The following FRMD4B variants were observed in gnomAD, a reference collection of about 807,000 sequenced individuals.
The protein encoded by FRMD4B is FERM domain-containing protein 4B.
FRMD4B carries 74 observed loss-of-function variants against 141.5 expected under a neutral mutation model. The ratio of observed to expected loss-of-function variants is 0.52; its 90% CI spans 0.43 to 0.63. The LOEUF is 0.63. FRMD4B is among the 30% of genes least tolerant of loss of function. FRMD4B has a pLI of 0.00. For synonymous variants in FRMD4B, 506 were observed against 467.9 expected, an observed-to-expected ratio of 1.08 and a Z score of -1.05; for missense variants, 1,366 against 1,253.4, an observed-to-expected ratio of 1.09 and a Z score of -1.36.
intron 11 of FRMD4B, among the ~76,000 whole-genome samples, chr3:69,214,901 A>G (rs1323748412): frequency 6.6e-6 from 1 of 150,380 alleles, no homozygotes; most frequent in Non-Finnish European, 1.5e-5. Flanking sequence ...TTTTTTTGAG[A>G]TGAAGTCTCA....
At chr3:69,323,798 A>T (rs2107295696) in intron 1 of FRMD4B, among the ~76,000 whole-genome samples, 1 of 151,912 alleles carries the variant, frequency 6.6e-6, no homozygotes, top group East Asian at 1.9e-4. Context: ...GCAGAGTAGG[A>T]TGTAAACCTA....
At chr3:69,222,519 C>T (rs2093206467) in intron 8 of FRMD4B, among the ~76,000 whole-genome samples, 1 of 149,266 alleles carries the variant, frequency 6.7e-6, no homozygotes, top group Non-Finnish European at 1.5e-5. Context: ...TACCTGTATT[C>T]CCAGCACTTT....
At chr3:69,259,856 A>G (rs2093514901) in intron 5 of FRMD4B, among the ~76,000 whole-genome samples, 1 of 152,174 alleles carries the variant, frequency 6.6e-6, no homozygotes, top group Non-Finnish European at 1.5e-5. Context: ...GAGTGGTGCA[A>G]TCACTACTTA....
chr3:69,378,211 A>G (rs1316959776), intron 1 of FRMD4B, among the ~76,000 whole-genome samples: 1 of 152,110 alleles, frequency 6.6e-6, no homozygotes, highest in Non-Finnish European at 1.5e-5. Context: ...CTGCTACCTA[A>G]GGAACCAAAT....
At chr3:69,255,236 T>C (rs2093485533) in intron 5 of FRMD4B, among the ~76,000 whole-genome samples, 1 of 152,178 alleles carries the variant, frequency 6.6e-6, no homozygotes. Context: ...TAACTTACTC[T>C]CAAGTGGGTC....
At chr3:69,404,339 T>C (rs1233421959) in intron 2 of FRMD4B, among the ~76,000 whole-genome samples, 2 of 152,228 alleles carry the variant, frequency 1.3e-5, no homozygotes, top group African/African-American at 4.8e-5. Context: ...GGCTTTCTGA[T>C]CCAGAGGATT....
chr3:69,267,068 C>A (rs958466887), intron 5 of FRMD4B, among the ~76,000 whole-genome samples: 13 of 152,090 alleles, frequency 8.5e-5, no homozygotes, highest in African/African-American at 2.9e-4. Context: ...GAATACAGAG[C>A]CCCAGGCTCA....
chr3:69,215,282 C>CTTTTTTTTTTTTTTTTTTTTTT (rs1559724064), intron 11 of FRMD4B, among the ~76,000 whole-genome samples: 1 of 37,492 alleles, frequency 2.7e-5, no homozygotes, highest in East Asian at 4.2e-4. Context: ...GATTGTGACC[C>CTTTTTTTTTTTTTTTTTTTTTT]TCTTTTTTTT....
At chr3:69,472,270 T>C in intron 1 of FRMD4B, 2 of 352,634 alleles carry the variant, frequency 5.7e-6, no homozygotes, top group Non-Finnish European at 1.1e-5. Flanking sequence ...CCTTGTTGGC[T>C]GTTGTTTATG....
At chr3:69,231,825 T>C (rs1215692964) in intron 7 of FRMD4B, among the ~76,000 whole-genome samples, 1 of 152,174 alleles carries the variant, frequency 6.6e-6, no homozygotes, top group Non-Finnish European at 1.5e-5. Context: ...TGGCATATTA[T>C]TATAGAAGGT....
intron 1 of FRMD4B, among the ~76,000 whole-genome samples, chr3:69,434,399 T>G (rs1705229098): frequency 6.6e-6 from 1 of 152,182 alleles, no homozygotes; most frequent in Non-Finnish European, 1.5e-5. Context: ...GGAAACCAAG[T>G]CAGGGAAATA....
intron 1 of FRMD4B, among the ~76,000 whole-genome samples, chr3:69,375,346 C>G (rs1163703469): frequency 6.6e-6 from 1 of 152,028 alleles, no homozygotes; most frequent in Non-Finnish European, 1.5e-5. Context: ...TTTAACCAAG[C>G]ACCCATCTAT....
Position 69,170,613 on chromosome 3 carries a change from C to T in FRMD4B, c.*1248G>A, listed in dbSNP as rs182156599. Reference sequence around the variant, plus strand: ...GTATAAAAGAAGGGGGAAAGGAGCACCTTTTATGTAATTTTGAAGCAAAGA... The same window carrying T: ...GTATAAAAGAAGGGGGAAAGGAGCATCTTTTATGTAATTTTGAAGCAAAGA... On this transcript the variant is annotated 3_prime_UTR_variant, in exon 23 of 23. Coordinates refer to ENST00000398540, the MANE Select transcript of FRMD4B (RefSeq NM_015123.3). 1.1e-3 allele frequency: 166 copies of T among 152,088 alleles called. 1 individual carries two copies. Among genetic ancestry groups the T allele is most frequent in the African/African-American group, 3.9e-3 (163 of 41,504 alleles). The allele number at this position is 152,088 out of a possible 1,614,324, so 9.4% of individuals were successfully genotyped here.
intron 1 of FRMD4B, among the ~76,000 whole-genome samples, chr3:69,320,164 G>T (rs1449111056): frequency 2.0e-5 from 3 of 152,088 alleles, no homozygotes; most frequent in Non-Finnish European, 4.4e-5. Context: ...CCTGAACAAG[G>T]TTACTCATGT....
intron 1 of FRMD4B, among the ~76,000 whole-genome samples, chr3:69,444,840 T>C (rs557586641): frequency 6.6e-6 from 1 of 152,204 alleles, no homozygotes; most frequent in South Asian, 2.1e-4. Flanking sequence ...CTTGTTTTAA[T>C]AGGCAAAACT....
intron 19 of FRMD4B, among the ~76,000 whole-genome samples, chr3:69,187,144 G>A (rs972627782): frequency 3.3e-5 from 5 of 152,118 alleles, no homozygotes; most frequent in South Asian, 4.2e-4. Context: ...ACTGAACTGT[G>A]GACACTATGT....
Position 69,180,919 on chromosome 3 carries a change from C to T in FRMD4B, c.2831G>A (p.Arg944His), listed in dbSNP as rs199933053. The T allele has an allele frequency of 3.3e-4, 535 of 1,608,050 alleles. 1 individual carries two copies. The highest frequency in any genetic ancestry group is 2.0e-4 in the Non-Finnish European group (230 of 1,175,482). ...CTCACCTGAAGAGTACGAGGATGCACGACTGCTTGGAGAACAAGGTACTTG... is the reference window on the plus strand; with the variant it reads ...CTCACCTGAAGAGTACGAGGATGCATGACTGCTTGGAGAACAAGGTACTTG... ...GLQVPCSPSS[R>H]ASSYSSVSST... is the part of the protein sequence containing the mutation. Residue 944 changes from arginine (R) to histidine (H), a missense_variant, in exon 21 of 23, where the codon CGT (arginine) becomes CAT (histidine). Arg to His is a conservative substitution (Grantham distance 29, BLOSUM62 0). Coordinates refer to ENST00000398540, the MANE Select transcript of FRMD4B (RefSeq NM_015123.3).
chr3:69,506,011 C>T (rs903577698), intron 1 of FRMD4B, among the ~76,000 whole-genome samples: 35 of 152,144 alleles, frequency 2.3e-4, no homozygotes, highest in African/African-American at 8.5e-4. Context: ...TTTCCAACGC[C>T]TGAAAAATAT....
intron 1 of FRMD4B, among the ~76,000 whole-genome samples, chr3:69,453,290 G>A (rs531466047): frequency 2.3e-4 from 35 of 152,324 alleles, no homozygotes; most frequent in Middle Eastern, 3.4e-3. Flanking sequence ...CTGGCTCTGT[G>A]TCAGGGACCT....
Sources: gnomAD v4.1 joint callset for allele counts (sites outside exome capture counted in the v4.1 genomes callset) on GRCh38, gnomAD v4.1.1 for gene constraint, MANE v1.5 for transcripts, NCBI Gene and HGNC (gene_info 2026-07-23, HGNC 2026-07-21) for gene names.